Variants in SNTB1 observed in about 807,000 individuals in gnomAD.
SNTB1 encodes the protein beta-1-syntrophin.
Under a neutral mutation model 48.9 loss-of-function variants are expected in SNTB1, and 36 were observed. The ratio of observed to expected loss-of-function variants is 0.74; its 90% CI spans 0.56 to 0.97. The LOEUF (loss-of-function observed/expected upper bound fraction) is 0.97. Ranked by LOEUF, SNTB1 falls within the 50% of genes least tolerant of loss-of-function variation. The pLI, the probability that SNTB1 is intolerant of heterozygous loss-of-function variation, is 0.00. For synonymous variants in SNTB1, 299 were observed against 294.6 expected (o/e 1.01, Z -0.15); for missense variants, 786 against 703.4 (o/e 1.12, Z -1.33).
At chr8:120,716,450 T>A (rs888130247) in intron 1 of SNTB1, among the ~76,000 whole-genome samples, 1 of 152,186 alleles carries the variant, frequency 6.6e-6, no homozygotes, top group Non-Finnish European at 1.5e-5. Context: ...GGCAAAATAT[T>A]CTATTTTTGT....
chr8:120,649,824 G>T (rs1330072068), intron 2 of SNTB1, among the ~76,000 whole-genome samples: 1 of 152,076 alleles, frequency 6.6e-6, no homozygotes, highest in East Asian at 1.9e-4. Context: ...GCGAGACTCC[G>T]TGGGCGTAGG....
intron 1 of SNTB1, among the ~76,000 whole-genome samples, chr8:120,780,853 T>C (rs1335025697): frequency 1.3e-5 from 2 of 152,218 alleles, no homozygotes. Context: ...TTTCCCTTTT[T>C]ATAAAAGTAA....
intron 2 of SNTB1, among the ~76,000 whole-genome samples, chr8:120,654,039 C>CAAAAAAAA (rs58873007): frequency 0.014 from 350 of 25,202 alleles, 71 homozygotes; most frequent in Middle Eastern, 0.1. Flanking sequence ...GACTCTGCCT[C>CAAAAAAAA]AAAAAAAAAA....
intron 1 of SNTB1, among the ~76,000 whole-genome samples, chr8:120,804,019 C>G (rs1820281199): frequency 2.0e-5 from 3 of 152,070 alleles, no homozygotes; most frequent in Admixed American, 2.0e-4. Flanking sequence ...TAAATGTTTC[C>G]TAGGTCTATA....
chr8:120,629,277 TGAG>T (rs1816940811), intron 3 of SNTB1, among the ~76,000 whole-genome samples: 1 of 152,218 alleles, frequency 6.6e-6, no homozygotes, highest in Admixed American at 6.5e-5. Flanking sequence ...TGTGTAGTGT[TGAG>T]GAGGTTTTAG....
At position 120,548,930 on chromosome 8, in the gene SNTB1, A is replaced by G. The variant is rs1247033347; in HGVS notation, c.1165T>C (p.Ser389Pro). 6.3e-7 allele frequency: 1 copy of G among 1,597,166 alleles called. No homozygotes were observed. Among genetic ancestry groups the G allele is most frequent in the East Asian group, 2.2e-5 (1 of 44,706 alleles). Residue 389 changes from serine (S) to proline (P), a missense_variant, in exon 5 of 7, where the codon TCA becomes CCA. Ser to Pro is a moderately conservative substitution (Grantham distance 74, BLOSUM62 -1). Coordinates refer to ENST00000517992, the MANE Select transcript of SNTB1 (RefSeq NM_021021.4). ...GACAGATCCACACCAGCCTGGGGTG[A>G]TCCCTTTCCTGGACCTGAATGGACC... ...RLVHSGPGKG[S>P]PQAGVDLSFA...
At chr8:120,607,108 C>T (rs1563830036) in intron 3 of SNTB1, among the ~76,000 whole-genome samples, 1 of 151,854 alleles carries the variant, frequency 6.6e-6, no homozygotes, top group South Asian at 2.1e-4. Flanking sequence ...GAAATTATAG[C>T]CTTTACATAA....
rs118074244 is a variant in SNTB1, at chr8:120,547,962, C to T, written c.1333+800G>A. ...TTTGGATGTTTTATCCCCTCCAAAT[C>T]TCATGTTGAAATGTAATCCCCAGTA... On this transcript the variant is annotated intron_variant, in intron 5 of 6. Transcript: ENST00000517992. 7.3e-3 allele frequency among the ~76,000 whole-genome samples: 1,107 copies of T among 152,202 alleles called. 5 individuals are homozygous for T. The highest frequency in any genetic ancestry group is 0.011 in the Admixed American group (175 of 15,272).
chr8:120,715,294 G>A (rs891143061), intron 1 of SNTB1, among the ~76,000 whole-genome samples: 1 of 152,180 alleles, frequency 6.6e-6, no homozygotes, highest in Non-Finnish European at 1.5e-5. Flanking sequence ...GAGAGAAGAA[G>A]GAAATTTGGT....
At position 120,687,463 on chromosome 8, in the gene SNTB1, G is replaced by A. The variant is rs576572826; in HGVS notation, c.788+6229C>T. Among the ~76,000 whole-genome samples, 3 of 152,280 alleles carry A rather than the reference G, an allele frequency of 2.0e-5. No individual in the cohort carries two copies. In the South Asian group the frequency reaches 6.2e-4, roughly 32 times the overall value. On this transcript the variant is annotated intron_variant, in intron 2 of 6. Transcript: ENST00000517992. Reference sequence around the variant, plus strand: ...CTATTTATGTACAGCTCAAAGGAGTGGGAGTGTTGGCAAAGCAGAAATTTA... The same window carrying A: ...CTATTTATGTACAGCTCAAAGGAGTAGGAGTGTTGGCAAAGCAGAAATTTA...
At chr8:120,582,139 T>C (rs1263936658) in intron 3 of SNTB1, among the ~76,000 whole-genome samples, 2 of 152,238 alleles carry the variant, frequency 1.3e-5, no homozygotes, top group Non-Finnish European at 2.9e-5. Flanking sequence ...CTCTGGGCAT[T>C]AAATCTAGTT....
chr8:120,723,593 A>T (rs1818705040), intron 1 of SNTB1, among the ~76,000 whole-genome samples: 2 of 152,152 alleles, frequency 1.3e-5, no homozygotes, highest in East Asian at 3.9e-4. Flanking sequence ...GGAGACACAT[A>T]TACTGAAGCA....
At chr8:120,631,331 G>A (rs555051246) in intron 3 of SNTB1, among the ~76,000 whole-genome samples, 5 of 152,190 alleles carry the variant, frequency 3.3e-5, no homozygotes, top group Admixed American at 1.3e-4. Context: ...TGTCCCTTTC[G>A]TTCTTTGAAA....
chr8:120,795,824 G>A (rs1019128348), intron 1 of SNTB1, among the ~76,000 whole-genome samples: 2 of 151,910 alleles, frequency 1.3e-5, no homozygotes, highest in African/African-American at 4.8e-5. Context: ...GGTGTTCCTT[G>A]GCTTGTAGAT....
chr8:120,713,636 A>G (rs542869017), intron 1 of SNTB1, among the ~76,000 whole-genome samples: 1 of 152,342 alleles, frequency 6.6e-6, no homozygotes, highest in South Asian at 2.1e-4. Flanking sequence ...AGGCTGAGGC[A>G]GAAGAATCGC....
chr8:120,794,458 A>G (rs1050259750), intron 1 of SNTB1, among the ~76,000 whole-genome samples: 4 of 151,820 alleles, frequency 2.6e-5, no homozygotes, highest in African/African-American at 9.7e-5. Context: ...TATTCAATAT[A>G]TCAGTAGTGT....
At chr8:120,741,399 G>T (rs1819038811) in intron 1 of SNTB1, among the ~76,000 whole-genome samples, 1 of 152,140 alleles carries the variant, frequency 6.6e-6, no homozygotes, top group South Asian at 2.1e-4. Flanking sequence ...ACCTGGGGTT[G>T]GGAGTTTGAG....
At chr8:120,683,660 A>G (rs545108033) in intron 2 of SNTB1, among the ~76,000 whole-genome samples, 2 of 152,238 alleles carry the variant, frequency 1.3e-5, no homozygotes, top group South Asian at 4.2e-4. Context: ...GGAAAATGGA[A>G]CTGAGGTCCC....
At chr8:120,627,378 A>G (rs1232419726) in intron 3 of SNTB1, among the ~76,000 whole-genome samples, 1 of 152,176 alleles carries the variant, frequency 6.6e-6, no homozygotes, top group African/African-American at 2.4e-5. Context: ...GCCCTATGAA[A>G]TGTGATTGCA....
Sources: allele counts gnomAD v4.1 joint callset (sites outside exome capture counted in the v4.1 genomes callset), GRCh38; gene constraint gnomAD v4.1.1; transcripts MANE v1.5; gene names NCBI Gene and HGNC (gene_info 2026-07-23, HGNC 2026-07-21).